The following MALRD1 variants were observed in gnomAD, a reference collection of about 807,000 sequenced individuals.
MALRD1 encodes MAM and LDL-receptor class A domain-containing protein 1.
MALRD1 carries 247 observed loss-of-function variants against 242.1 expected under a neutral mutation model. That is an observed-to-expected ratio of 1.02 (90% confidence interval 0.92 to 1.13). The LOEUF is 1.13. Ranked by LOEUF, MALRD1 falls within the 50% of genes most tolerant of loss-of-function variation. The pLI is 0.00. For missense variants in MALRD1, 2,989 were observed against 2,533.1 expected (o/e 1.18, Z -3.86); for synonymous variants, 995 against 866.6 (o/e 1.15, Z -2.60).
At chr10:19,281,963 C>CAA (rs149370838) in intron 20 of MALRD1, among the ~76,000 whole-genome samples, 481 of 79,398 alleles carry the variant, frequency 6.1e-3, no homozygotes, top group East Asian at 0.017. Flanking sequence ...ACGATGTCTC[C>CAA]AAAAAAAAAA....
In MALRD1 at chr10:19,088,174, C is replaced by G; in HGVS notation, c.586C>G (p.Gln196Glu). 1 of 1,233,264 alleles carries G rather than the reference C, an allele frequency of 8.1e-7. No homozygotes were observed. The highest frequency in any genetic ancestry group is 1.0e-6 in the Non-Finnish European group (1 of 987,698). 76.4% of individuals were successfully genotyped at this position (1,233,264 alleles called of 1,614,324 possible). The change falls in exon 4 of 40, where the codon CAG becomes GAG. Residue 196 changes from glutamine to glutamate, a missense_variant. Coordinates refer to ENST00000454679, the MANE Select transcript of MALRD1 (RefSeq NM_001142308.3). ...AAATGTCATCAAAATCCAGAGTTCA[C>G]AGAGATTTCAGGTATGTGTGTTCTA... ...ERNVIKIQSS[Q>E]RFQVVFEGQM...
chr10:19,582,279 A>G (rs1246319598), intron 33 of MALRD1, among the ~76,000 whole-genome samples: 3 of 151,710 alleles, frequency 2.0e-5, no homozygotes, highest in African/African-American at 4.8e-5. Context: ...TTGGTGTTTT[A>G]GACATGAAGT....
At chr10:19,138,514 G>A (rs936137460) in intron 10 of MALRD1, among the ~76,000 whole-genome samples, 7 of 149,216 alleles carry the variant, frequency 4.7e-5, no homozygotes, top group Admixed American at 3.4e-4. Flanking sequence ...TCCACTTCCC[G>A]GGTTCAAGTG....
In MALRD1 at chr10:19,396,061, C is replaced by A. The variant is rs74229453; in HGVS notation, c.4845+6452C>A. ...TTGCCATTCTATTTCTGTTTCTACTCCCACTAGCACTGCTACTCTTGTGTC... is the reference window on the plus strand; with the variant it reads ...TTGCCATTCTATTTCTGTTTCTACTACCACTAGCACTGCTACTCTTGTGTC... On this transcript the variant is annotated intron_variant, in intron 28 of 39. Transcript: ENST00000454679. 1.9e-3 allele frequency among the ~76,000 whole-genome samples: 294 copies of A among 152,150 alleles called. 4 individuals are homozygous for A. The East Asian group carries it at 0.043, about 22-fold the overall frequency.
intron 28 of MALRD1, among the ~76,000 whole-genome samples, chr10:19,444,003 G>A (rs1834816884): frequency 6.6e-6 from 1 of 152,164 alleles, no homozygotes; most frequent in South Asian, 2.1e-4. Context: ...TGTATTGGGT[G>A]CATATATATT....
At chr10:19,464,881 G>C (rs1263596448) in intron 29 of MALRD1, among the ~76,000 whole-genome samples, 1 of 151,462 alleles carries the variant, frequency 6.6e-6, no homozygotes, top group Non-Finnish European at 1.5e-5. Context: ...GCCTGTAATT[G>C]CTTTCAGCAG....
chr10:19,091,503 G>A (rs1325971936), intron 4 of MALRD1, among the ~76,000 whole-genome samples: 2 of 29,342 alleles, frequency 6.8e-5, no homozygotes, highest in Non-Finnish European at 1.2e-4. Context: ...AGTCTTGCTA[G>A]CGGTCTATCA....
At chr10:19,649,056 C>T (rs1164256228) in intron 36 of MALRD1, among the ~76,000 whole-genome samples, 2 of 152,206 alleles carry the variant, frequency 1.3e-5, no homozygotes, top group Admixed American at 6.5e-5. Context: ...CACGATCCCA[C>T]AAAAGATATG....
At chr10:19,449,102 A>G (rs1835164799) in intron 28 of MALRD1, among the ~76,000 whole-genome samples, 1 of 152,220 alleles carries the variant, frequency 6.6e-6, no homozygotes, top group Non-Finnish European at 1.5e-5. Context: ...TTTTCATCAA[A>G]TATAAATAAT....
At chr10:19,159,872 A>G (rs1342396567) in intron 12 of MALRD1, among the ~76,000 whole-genome samples, 2 of 152,098 alleles carry the variant, frequency 1.3e-5, no homozygotes, top group Non-Finnish European at 2.9e-5. Context: ...GTAGTAAAAT[A>G]TATGATTTAA....
At chr10:19,586,785 C>T (rs1039627765) in intron 33 of MALRD1, among the ~76,000 whole-genome samples, 5 of 152,236 alleles carry the variant, frequency 3.3e-5, no homozygotes, top group African/African-American at 1.2e-4. Flanking sequence ...CTTTGTTTAC[C>T]TAAGCAAGCC....
chr10:19,096,475 C>T (rs141691115), intron 4 of MALRD1, among the ~76,000 whole-genome samples: 5 of 152,244 alleles, frequency 3.3e-5, no homozygotes, highest in Admixed American at 2.0e-4. Flanking sequence ...GGAAACCATA[C>T]GACTCTCTCG....
intron 26 of MALRD1, among the ~76,000 whole-genome samples, chr10:19,379,581 G>T (rs1845752411): frequency 6.6e-6 from 1 of 152,114 alleles, no homozygotes; most frequent in Non-Finnish European, 1.5e-5. Flanking sequence ...ATATTTGTGT[G>T]ATTTTTCAGA....
At chr10:19,289,813 G>C (rs1435896868) in intron 21 of MALRD1, among the ~76,000 whole-genome samples, 1 of 152,066 alleles carries the variant, frequency 6.6e-6, no homozygotes, top group Admixed American at 6.6e-5. Flanking sequence ...GGTTTTTAAG[G>C]ATGTTGTTTT....
chr10:19,299,126 A>T (rs1841834221), intron 21 of MALRD1, among the ~76,000 whole-genome samples: 1 of 152,030 alleles, frequency 6.6e-6, no homozygotes, highest in African/African-American at 2.4e-5. Context: ...GCTGACAGAT[A>T]AATGTACAAA....
chr10:19,166,349 C>A (rs1834685360), intron 13 of MALRD1, among the ~76,000 whole-genome samples: 1 of 152,106 alleles, frequency 6.6e-6, no homozygotes, highest in African/African-American at 2.4e-5. Flanking sequence ...ATGGCAGGTT[C>A]TCACTCATGT....
chr10:19,658,510 C>T (rs1016279798), intron 36 of MALRD1, among the ~76,000 whole-genome samples: 3 of 152,136 alleles, frequency 2.0e-5, no homozygotes, highest in Non-Finnish European at 4.4e-5. Flanking sequence ...CACACACATA[C>T]ACACAAACAC....
intron 12 of MALRD1, among the ~76,000 whole-genome samples, chr10:19,155,562 T>A (rs1387943554): frequency 6.6e-6 from 1 of 152,208 alleles, no homozygotes; most frequent in Non-Finnish European, 1.5e-5. Context: ...TTGAGTTTTT[T>A]AAATGAGTCC....
At chr10:19,066,110 A>G (rs1207246198) in intron 1 of MALRD1, among the ~76,000 whole-genome samples, 1 of 152,184 alleles carries the variant, frequency 6.6e-6, no homozygotes, top group African/African-American at 2.4e-5. Flanking sequence ...CCTCCTGTAT[A>G]CTTTAAATCA....
Sources: gnomAD v4.1 joint callset for allele counts (sites outside exome capture counted in the v4.1 genomes callset) on GRCh38, gnomAD v4.1.1 for gene constraint, MANE v1.5 for transcripts, NCBI Gene and HGNC (gene_info 2026-07-23, HGNC 2026-07-21) for gene names.